Variants in POU6F2 observed in about 807,000 individuals in gnomAD.
The protein encoded by POU6F2 is POU domain, class 6, transcription factor 2.
POU6F2 carries 31 observed loss-of-function variants against 71.3 expected under a neutral mutation model. The ratio of observed to expected loss-of-function variants is 0.43; its 90% CI spans 0.33 to 0.59. POU6F2 has a LOEUF of 0.59. POU6F2 is among the 20% of genes least tolerant of loss of function. The probability of loss-of-function intolerance (pLI) is 0.04; values close to 1 mark genes in which losing one functional copy is unlikely to be tolerated. For synonymous variants in POU6F2, 347 were observed against 355.7 expected, an observed-to-expected ratio of 0.98 and a Z score of 0.27; for missense variants, 783 against 856.8, an observed-to-expected ratio of 0.91 and a Z score of 1.07.
At chr7:38,980,547 T>C (rs1788291623) in intron 1 of POU6F2, among the ~76,000 whole-genome samples, 1 of 152,246 alleles carries the variant, frequency 6.6e-6, no homozygotes, top group Non-Finnish European at 1.5e-5. Flanking sequence ...TTTATTGCTC[T>C]GCTGTCACTC....
At chr7:39,158,206 T>C (rs1792914499) in intron 2 of POU6F2, among the ~76,000 whole-genome samples, 1 of 152,202 alleles carries the variant, frequency 6.6e-6, no homozygotes, top group Non-Finnish European at 1.5e-5. Context: ...TAGTACTCAA[T>C]AATTATTAGT....
chr7:39,229,085 G>A (rs79920950), intron 4 of POU6F2, among the ~76,000 whole-genome samples: 1,858 of 152,290 alleles, frequency 0.012, 11 homozygotes, highest in Admixed American at 0.02. Context: ...ATCCATTTCA[G>A]CACCAAGTTC....
intron 4 of POU6F2, among the ~76,000 whole-genome samples, chr7:39,256,073 CG>C (rs1562765424): frequency 6.6e-6 from 1 of 151,892 alleles, no homozygotes; most frequent in East Asian, 1.9e-4. Flanking sequence ...CTGCCTTTCC[CG>C]GGTACATTCC....
At chr7:39,436,343 CCT>C (rs1168064576) in intron 7 of POU6F2, among the ~76,000 whole-genome samples, 1 of 151,942 alleles carries the variant, frequency 6.6e-6, no homozygotes. Context: ...CTTCATATCC[CCT>C]GTTAGCTGTA....
At chr7:39,189,349 T>C (rs1356732719) in intron 2 of POU6F2, among the ~76,000 whole-genome samples, 1 of 148,048 alleles carries the variant, frequency 6.8e-6, no homozygotes, top group Non-Finnish European at 1.5e-5. Context: ...TATCAAATAG[T>C]TTGTTTTTGT....
chr7:39,079,180 C>CTTTT lies in POU6F2; in HGVS notation c.106-6659_106-6656dup, dbSNP rs1162865518. Among the ~76,000 whole-genome samples the CTTTT allele has an allele frequency of 6.8e-4, 54 of 79,324 alleles. 1 individual carries two copies. The highest frequency in any genetic ancestry group is 1.2e-3 in the South Asian group (2 of 1,710). 52.0% of individuals were successfully genotyped at this position (79,324 alleles called of 152,430 possible). ...TTATCTCACTTGAGTCTCACAATAT[C>CTTTT]TTTTTTTTTTTTTTTTTTTTTTTTC... is the stretch of plus-strand genomic sequence containing the variant. On this transcript the variant is annotated intron_variant, in intron 1 of 9. Coordinates refer to ENST00000518318, the MANE Select transcript of POU6F2 (RefSeq NM_001370959.1).
At chr7:39,024,134 T>A (rs1290389720) in intron 1 of POU6F2, among the ~76,000 whole-genome samples, 1 of 152,230 alleles carries the variant, frequency 6.6e-6, no homozygotes, top group African/African-American at 2.4e-5. Context: ...TTCCTACCCA[T>A]GAGCATGGAA....
chr7:39,316,227 A>G (rs1459562506), intron 4 of POU6F2, among the ~76,000 whole-genome samples: 3 of 152,186 alleles, frequency 2.0e-5, no homozygotes, highest in Non-Finnish European at 4.4e-5. Context: ...TGCCCAAACC[A>G]TACCATTTGG....
At chr7:39,307,426 C>T (rs1402073036) in intron 4 of POU6F2, among the ~76,000 whole-genome samples, 1 of 152,160 alleles carries the variant, frequency 6.6e-6, no homozygotes, top group African/African-American at 2.4e-5. Flanking sequence ...TATAATCTAT[C>T]ATACTCGATA....
intron 1 of POU6F2, among the ~76,000 whole-genome samples, chr7:38,982,972 G>T (rs1346769339): frequency 3.9e-5 from 6 of 151,972 alleles, no homozygotes; most frequent in Non-Finnish European, 5.9e-5. Flanking sequence ...TATGTAAACT[G>T]CATATTACCA....
intron 2 of POU6F2, among the ~76,000 whole-genome samples, chr7:39,183,559 C>T (rs1468183704): frequency 6.6e-6 from 1 of 152,142 alleles, no homozygotes; most frequent in Non-Finnish European, 1.5e-5. Flanking sequence ...GATCCAATCA[C>T]CTCCCACCAG....
chr7:39,087,025 C>T (rs566307574), intron 2 of POU6F2, among the ~76,000 whole-genome samples: 2 of 149,800 alleles, frequency 1.3e-5, no homozygotes, highest in African/African-American at 4.9e-5. Context: ...AGGCAGAGTA[C>T]TGCTTGGTCT....
At chr7:39,101,321 G>A (rs774768579) in intron 2 of POU6F2, among the ~76,000 whole-genome samples, 2 of 151,964 alleles carry the variant, frequency 1.3e-5, no homozygotes. Context: ...TGATCCGTCC[G>A]CCTCAGCCTT....
chr7:39,417,918 G>A (rs1031161128), intron 6 of POU6F2, among the ~76,000 whole-genome samples: 1 of 152,156 alleles, frequency 6.6e-6, no homozygotes, highest in Non-Finnish European at 1.5e-5. Flanking sequence ...TTTGTTAGGA[G>A]GATTAGTATT....
chr7:39,168,743 T>C (rs1330780210), intron 2 of POU6F2, among the ~76,000 whole-genome samples: 1 of 152,140 alleles, frequency 6.6e-6, no homozygotes, highest in Non-Finnish European at 1.5e-5. Flanking sequence ...GTTAACACAA[T>C]AGAAAGGACG....
chr7:39,304,971 A>G (rs1031496393), intron 4 of POU6F2, among the ~76,000 whole-genome samples: 19 of 152,250 alleles, frequency 1.2e-4, no homozygotes, highest in African/African-American at 4.6e-4. Context: ...AAGACGCAAC[A>G]CATACCTTCA....
chr7:39,296,128 AGAGTG>A (rs1784839886), intron 4 of POU6F2, among the ~76,000 whole-genome samples: 2 of 152,244 alleles, frequency 1.3e-5, no homozygotes, highest in African/African-American at 4.8e-5. Context: ...TAATAATTTC[AGAGTG>A]GAGCCCAGTC....
At chr7:39,222,729 A>G (rs1450089006) in intron 4 of POU6F2, among the ~76,000 whole-genome samples, 1 of 152,236 alleles carries the variant, frequency 6.6e-6, no homozygotes. Context: ...GTTGTAGCAT[A>G]TGTCAGAATT....
chr7:39,121,269 G>A (rs1444610100), intron 2 of POU6F2, among the ~76,000 whole-genome samples: 1 of 152,162 alleles, frequency 6.6e-6, no homozygotes, highest in Admixed American at 6.5e-5. Flanking sequence ...CATTAAGTGG[G>A]AATGATAATA....
Sources: allele counts gnomAD v4.1 joint callset (sites outside exome capture counted in the v4.1 genomes callset), GRCh38; gene constraint gnomAD v4.1.1; transcripts MANE v1.5; gene names NCBI Gene and HGNC (gene_info 2026-07-23, HGNC 2026-07-21).